The following ARHGAP19 variants were observed in gnomAD, a reference collection of about 807,000 sequenced individuals.
ARHGAP19 encodes the protein Rho GTPase activating protein 19.
ARHGAP19 carries 48 observed loss-of-function variants against 60.9 expected under a neutral mutation model. The ratio of observed to expected loss-of-function variants is 0.79; its 90% confidence interval spans 0.62 to 1.00. The LOEUF is 1.00. Among genes scored for constraint, ARHGAP19 ranks in the 50% least tolerant of loss-of-function variants. The pLI, the probability that ARHGAP19 is intolerant of heterozygous loss-of-function variation, is 0.00. For synonymous variants in ARHGAP19, 209 were observed against 215.5 expected (o/e 0.97, Z 0.27); for missense variants, 562 against 597.2 (o/e 0.94, Z 0.61).
Position 97,240,650 on chromosome 10 carries a change from CAAAT to C in ARHGAP19, c.1185+3314_1185+3317del, listed in dbSNP as rs377180991. Among the ~76,000 whole-genome samples the C allele has an allele frequency of 2.8e-3, 424 of 152,072 alleles. 2 individuals are homozygous for C. The highest frequency in any genetic ancestry group is 9.0e-3 in the African/African-American group (372 of 41,478). The stretch of plus-strand genomic sequence containing the variant: ...TAGGCGACAGAGCAGAACTCTGTCT[CAAAT>C]AAAGAATATTATGTAAACATTTAAA... On this transcript the variant is annotated intron_variant, in intron 8 of 11. Transcript: ENST00000358531.
chr10:97,236,711 G>A (rs1033149150), intron 8 of ARHGAP19, among the ~76,000 whole-genome samples: 2 of 151,430 alleles, frequency 1.3e-5, no homozygotes, highest in Admixed American at 6.6e-5. Context: ...GGAGGCTGTG[G>A]TGGGAGGATC....
At chr10:97,250,274 A>G (rs1187389638) in intron 6 of ARHGAP19, among the ~76,000 whole-genome samples, 1 of 152,140 alleles carries the variant, frequency 6.6e-6, no homozygotes, top group East Asian at 1.9e-4. Context: ...AGAGTTATAT[A>G]TGAGTATTCA....
intron 1 of ARHGAP19, among the ~76,000 whole-genome samples, chr10:97,268,830 C>G (rs368505242): frequency 6.6e-6 from 1 of 152,114 alleles, no homozygotes; most frequent in Non-Finnish European, 1.5e-5. Context: ...CCATATCAAC[C>G]CCTTTTTACT....
chr10:97,282,585 C>T (rs1843099313), intron 1 of ARHGAP19, among the ~76,000 whole-genome samples: 1 of 152,178 alleles, frequency 6.6e-6, no homozygotes, highest in Admixed American at 6.5e-5. Flanking sequence ...GCCCTCCCTT[C>T]TGTATCTTCC....
chr10:97,250,030 C>T (rs1474067160), intron 6 of ARHGAP19, among the ~76,000 whole-genome samples: 3 of 151,978 alleles, frequency 2.0e-5, no homozygotes, highest in Admixed American at 6.6e-5. Flanking sequence ...ATGATCCGCC[C>T]GCCTCAGCCT....
In ARHGAP19 at chr10:97,230,123, C is replaced by A. The variant is rs557781178; in HGVS notation, c.1285-249G>T. Among the ~76,000 whole-genome samples the A allele has an allele frequency of 2.0e-3, 301 of 152,288 alleles. 2 individuals are homozygous for A. The highest frequency in any genetic ancestry group is 3.2e-3 in the Non-Finnish European group (219 of 68,016). On this transcript the variant is annotated intron_variant, in intron 9 of 11. Coordinates refer to ENST00000358531, the MANE Select transcript of ARHGAP19 (RefSeq NM_032900.6). ...TTTAAAAGGGCTGAAAGGTTAGAAGCAACTTTATAGTTGATTTAAACAAGC... is the reference window on the plus strand; with the variant it reads ...TTTAAAAGGGCTGAAAGGTTAGAAGAAACTTTATAGTTGATTTAAACAAGC...
At chr10:97,251,005 G>A (rs867770778) in intron 6 of ARHGAP19, among the ~76,000 whole-genome samples, 44 of 151,152 alleles carry the variant, frequency 2.9e-4, no homozygotes, top group African/African-American at 1.1e-3. Flanking sequence ...CAAAGCTGCA[G>A]TGAGCAGATA....
chr10:97,242,021 A>T (rs1162572426), intron 8 of ARHGAP19, among the ~76,000 whole-genome samples: 4 of 148,098 alleles, frequency 2.7e-5, no homozygotes, highest in African/African-American at 5.0e-5. Context: ...AAAAAAAAAA[A>T]AAATAATAAT....
At chr10:97,242,324 C>CTTTTTT (rs1164708198) in intron 8 of ARHGAP19, among the ~76,000 whole-genome samples, 4 of 55,796 alleles carry the variant, frequency 7.2e-5, no homozygotes, top group Non-Finnish European at 1.1e-4. Flanking sequence ...TATCAGTGTT[C>CTTTTTT]TTTTTTTTTT....
chr10:97,258,670 A>T (rs993724722), intron 5 of ARHGAP19: 1 of 153,022 alleles, frequency 6.5e-6, no homozygotes, highest in Non-Finnish European at 1.5e-5. Context: ...CTCCAGGTCA[A>T]CAAGTTGTTT....
At chr10:97,244,482 T>C (rs377505230) in intron 7 of ARHGAP19, among the ~76,000 whole-genome samples, 69 of 152,144 alleles carry the variant, frequency 4.5e-4, no homozygotes, top group Non-Finnish European at 8.8e-4. Context: ...AAGGTAAGCA[T>C]GGAAAGTATC....
At position 97,224,540 on chromosome 10, in the gene ARHGAP19, G is replaced by C. The variant is rs12255418; in HGVS notation, c.*1582C>G. On this transcript the variant is annotated 3_prime_UTR_variant, in exon 12 of 12. Coordinates refer to ENST00000358531, the MANE Select transcript of ARHGAP19 (RefSeq NM_032900.6). ...TGCTGTTACAGCAGCAAAAGCAGCA[G>C]AAAGGCTGGCAGAGGGGGCTGCCAG... 0.031 allele frequency: 4,655 copies of C among 152,350 alleles called. 230 individuals are homozygous for C. Among genetic ancestry groups the C allele is most frequent in the African/African-American group, 0.1 (4,231 of 41,576 alleles). 9.4% of individuals were successfully genotyped at this position (152,350 alleles called of 1,614,324 possible). A position where few individuals can be genotyped will look rare whatever the true frequency, so the allele number is the denominator to read the frequency against.
chr10:97,255,166 T>C (rs764445761), intron 6 of ARHGAP19, among the ~76,000 whole-genome samples: 1 of 152,206 alleles, frequency 6.6e-6, no homozygotes. Context: ...ACAACGTGAA[T>C]GTACTTAATG....
intron 1 of ARHGAP19, among the ~76,000 whole-genome samples, chr10:97,291,742 G>A (rs1304350651): frequency 6.6e-6 from 1 of 152,204 alleles, no homozygotes; most frequent in Non-Finnish European, 1.5e-5. Context: ...GTATTTTACT[G>A]AGTTACACTG....
intron 8 of ARHGAP19, among the ~76,000 whole-genome samples, chr10:97,236,899 A>G (rs1016606403): frequency 6.6e-6 from 1 of 152,090 alleles, no homozygotes; most frequent in African/African-American, 2.4e-5. Flanking sequence ...AATAGATCTA[A>G]CTACCAGTTT....
Position 97,292,496 on chromosome 10 carries a change from G to A in ARHGAP19, c.56+76C>T. 3 of 1,560,662 alleles carry A rather than the reference G, an allele frequency of 1.9e-6. No individual in the cohort carries two copies. In the South Asian group the frequency reaches 3.3e-5, roughly 17 times the overall value. The stretch of plus-strand genomic sequence containing the variant: ...AACAAAGCCCGAACCGTGCGCCTCC[G>A]TGACCCAAGGCAAAGGCGGCAGGAC... On this transcript the variant is annotated intron_variant, in intron 1 of 11. Transcript: ENST00000358531.
intron 4 of ARHGAP19, among the ~76,000 whole-genome samples, chr10:97,260,750 T>G (rs1485258185): frequency 6.6e-6 from 1 of 151,912 alleles, no homozygotes. Flanking sequence ...AAATGAGAGT[T>G]ATCATTTGAC....
intron 11 of ARHGAP19, among the ~76,000 whole-genome samples, chr10:97,227,287 G>A (rs1328673647): frequency 1.3e-5 from 2 of 152,196 alleles, no homozygotes; most frequent in Non-Finnish European, 2.9e-5. Flanking sequence ...TACATGGCAG[G>A]CACCTGGATC....
intron 4 of ARHGAP19, among the ~76,000 whole-genome samples, chr10:97,261,306 T>C (rs1253381): frequency 0.94 from 142,833 of 152,198 alleles, 67,673 homozygotes; most frequent in East Asian, 1. Flanking sequence ...GAAAATGTTC[T>C]CTGTTAATAT....
Sources: gnomAD v4.1 joint callset for allele counts (sites outside exome capture counted in the v4.1 genomes callset) on GRCh38, gnomAD v4.1.1 for gene constraint, MANE v1.5 for transcripts, NCBI Gene and HGNC (gene_info 2026-07-23, HGNC 2026-07-21) for gene names.